The following MACROD1 variants were observed in gnomAD, a reference collection of about 807,000 sequenced individuals.
MACROD1 encodes ADP-ribose glycohydrolase MACROD1.
Under a neutral mutation model 41.4 loss-of-function variants are expected in MACROD1, and 31 were observed. The ratio of observed to expected loss-of-function variants is 0.75; its 90% CI spans 0.56 to 1.01. MACROD1 has a LOEUF of 1.01. MACROD1 is among the 50% of genes least tolerant of loss of function. The probability of loss-of-function intolerance (pLI) is 0.00; values close to 1 mark genes in which losing one functional copy is unlikely to be tolerated. For missense variants in MACROD1, 473 were observed against 460.0 expected, an observed-to-expected ratio of 1.03 and a Z score of -0.26; for synonymous variants, 252 against 203.4, an observed-to-expected ratio of 1.24 and a Z score of -2.03.
At chr11:64,136,224 G>A (rs1238071857) in intron 3 of MACROD1, among the ~76,000 whole-genome samples, 1 of 152,202 alleles carries the variant, frequency 6.6e-6, no homozygotes, top group Non-Finnish European at 1.5e-5. Context: ...ACAACACCTA[G>A]AGTGGTCACC....
At chr11:64,118,572 A>C in intron 3 of MACROD1, 7 of 356,026 alleles carry the variant, frequency 2.0e-5, no homozygotes, top group Non-Finnish European at 3.7e-5. Flanking sequence ...TAAAAATAAT[A>C]TTGCAGGCAG....
At position 64,051,915 on chromosome 11, in the gene MACROD1, G is replaced by A. The variant is rs573250371; in HGVS notation, c.518-36634C>T. Among the ~76,000 whole-genome samples the A allele has an allele frequency of 8.6e-5, 13 of 151,964 alleles. No individual in the cohort carries two copies. The South Asian group carries it at 2.7e-3, about 32-fold the overall frequency. On this transcript the variant is annotated intron_variant, in intron 3 of 10. Coordinates refer to ENST00000255681, the MANE Select transcript of MACROD1 (RefSeq NM_014067.4). The stretch of plus-strand genomic sequence containing the variant: ...TCCTCTCTCGGGGGCTGCAAGAGAG[G>A]TAGAGACTGGATACTCCAAGGCCAC...
At chr11:64,019,370 C>A (rs562967665) in intron 3 of MACROD1, among the ~76,000 whole-genome samples, 2 of 152,076 alleles carry the variant, frequency 1.3e-5, no homozygotes, top group Non-Finnish European at 2.9e-5. Flanking sequence ...GACTGGGGGC[C>A]TGGAAACCTC....
chr11:64,141,662 G>C (rs1032117352), intron 3 of MACROD1, among the ~76,000 whole-genome samples: 3 of 152,132 alleles, frequency 2.0e-5, no homozygotes. Flanking sequence ...CGGCCTCCTC[G>C]GCTCAGTGCT....
chr11:64,043,914 A>G (rs1943536466), intron 3 of MACROD1, among the ~76,000 whole-genome samples: 1 of 151,578 alleles, frequency 6.6e-6, no homozygotes, highest in African/African-American at 2.4e-5. Flanking sequence ...AACAGGTTCA[A>G]GCTATTCTCC....
chr11:64,156,580 C>A lies in MACROD1; in HGVS notation c.299-4187G>T, dbSNP rs74744404. ...ATCTGGCAGATGCCACCACCTTGTT[C>A]TAGAGAGGAGGCAGAGTGACCTGCC... is the stretch of plus-strand genomic sequence containing the variant. On this transcript the variant is annotated intron_variant, in intron 1 of 10. Transcript: ENST00000255681. 7.9e-5 allele frequency among the ~76,000 whole-genome samples: 12 copies of A among 152,348 alleles called. No individual in the cohort carries two copies. The East Asian group carries it at 2.3e-3, about 29-fold the overall frequency.
intron 2 of MACROD1, among the ~76,000 whole-genome samples, 180 bp downstream of exon 2, chr11:64,152,112 A>T (rs1297510347): frequency 6.6e-6 from 1 of 152,232 alleles, no homozygotes; most frequent in East Asian, 1.9e-4. Flanking sequence ...CTGCGCAAAA[A>T]GAGTGAAATT....
At chr11:64,117,386 C>T (rs570176314) in intron 3 of MACROD1, 18 of 1,611,870 alleles carry the variant, frequency 1.1e-5, no homozygotes, top group East Asian at 6.7e-5. Context: ...ACATTACCAG[C>T]GAGATGGACG....
chr11:64,132,253 T>TG (rs1565252455), intron 3 of MACROD1, among the ~76,000 whole-genome samples: 2 of 151,746 alleles, frequency 1.3e-5, no homozygotes, highest in African/African-American at 4.8e-5. Flanking sequence ...CTGCTGGCTT[T>TG]GGGGGGATTA....
intron 4 of MACROD1, chr11:64,001,305 C>T (rs1942821742): frequency 1.6e-6 from 1 of 633,390 alleles, no homozygotes; most frequent in Admixed American, 2.5e-5. Flanking sequence ...GGACAGCGAC[C>T]CTCCCACAGA....
chr11:64,166,113 C>T lies in MACROD1; in HGVS notation c.-119G>A, dbSNP rs1219571294. ...GACTGCCAGCCAGCGGCGACCTGCTCGGAGCCAGCGGGAGGCGCGGCCAGA... is the reference window on the plus strand; with the variant it reads ...GACTGCCAGCCAGCGGCGACCTGCTTGGAGCCAGCGGGAGGCGCGGCCAGA... On this transcript the variant is annotated 5_prime_UTR_variant, in exon 1 of 11. Transcript: ENST00000255681. 16 of 1,139,966 alleles carry T rather than the reference C, an allele frequency of 1.4e-5. No homozygotes were observed. In the East Asian group the frequency reaches 3.6e-4, roughly 25 times the overall value. 70.6% of individuals were successfully genotyped at this position (1,139,966 alleles called of 1,614,324 possible). A position where few individuals can be genotyped will look rare whatever the true frequency, so the allele number is the denominator to read the frequency against.
At chr11:64,093,563 C>T (rs1433949965) in intron 3 of MACROD1, among the ~76,000 whole-genome samples, 1 of 152,180 alleles carries the variant, frequency 6.6e-6, no homozygotes, top group Non-Finnish European at 1.5e-5. Context: ...TAACTCCATC[C>T]CTCCCAGTCC....
chr11:64,165,555 G>T, intron 1 of MACROD1, 142 bp downstream of exon 1: 2 of 651,416 alleles, frequency 3.1e-6, no homozygotes, highest in Non-Finnish European at 4.7e-6. Context: ...TGGGGAGGAG[G>T]GGTCCGTTCC....
intron 3 of MACROD1, among the ~76,000 whole-genome samples, chr11:64,029,194 G>A (rs959167460): frequency 6.6e-6 from 1 of 152,190 alleles, no homozygotes; most frequent in African/African-American, 2.4e-5. Context: ...TGGTTGAGCC[G>A]GGTGCTGGGA....
At chr11:64,047,511 G>T (rs1943607344) in intron 3 of MACROD1, among the ~76,000 whole-genome samples, 1 of 152,106 alleles carries the variant, frequency 6.6e-6, no homozygotes, top group Admixed American at 6.5e-5. Flanking sequence ...CTCCTCACCT[G>T]CCTGGCATTC....
At chr11:64,081,556 A>T (rs1944304100) in intron 3 of MACROD1, 1 of 152,388 alleles carries the variant, frequency 6.6e-6, no homozygotes, top group Admixed American at 6.5e-5. Flanking sequence ...CAAACCACAC[A>T]TATCATGGGT....
intron 3 of MACROD1, among the ~76,000 whole-genome samples, chr11:64,084,746 G>A (rs1239934971): frequency 4.6e-5 from 7 of 152,314 alleles, no homozygotes; most frequent in East Asian, 1.9e-4. Flanking sequence ...GCCACACCTC[G>A]TGCCTTGGTG....
Position 64,090,226 on chromosome 11 carries a change from G to T in MACROD1, c.517+61013C>A, listed in dbSNP as rs1944465428. Among the ~76,000 whole-genome samples, 1 of 152,202 alleles carries T rather than the reference G, an allele frequency of 6.6e-6. No individual in the cohort carries two copies. Among genetic ancestry groups the T allele is most frequent in the Non-Finnish European group, 1.5e-5 (1 of 68,038 alleles). On this transcript the variant is annotated intron_variant, in intron 3 of 10. Coordinates refer to ENST00000255681, the MANE Select transcript of MACROD1 (RefSeq NM_014067.4). The surrounding 1 kb of genome is among the most constrained non-coding windows in gnomAD (Gnocchi z 4.7). Reference sequence around the variant, plus strand: ...CACAGGGTGACAGGGTGTGGGAAAGGCCAACGGGCGTGTGGGTCTCCAGCC... The same window carrying T: ...CACAGGGTGACAGGGTGTGGGAAAGTCCAACGGGCGTGTGGGTCTCCAGCC...
At chr11:64,021,140 C>T (rs902870280) in intron 3 of MACROD1, among the ~76,000 whole-genome samples, 4 of 152,212 alleles carry the variant, frequency 2.6e-5, no homozygotes, top group Non-Finnish European at 5.9e-5. Context: ...TGAAGGAGCC[C>T]GTGGACATTA....
Sources: allele counts gnomAD v4.1 joint callset (sites outside exome capture counted in the v4.1 genomes callset), GRCh38; gene constraint gnomAD v4.1.1; non-coding constraint Gnocchi (gnomAD v3.1); transcripts MANE v1.5; gene names NCBI Gene and HGNC (gene_info 2026-07-23, HGNC 2026-07-21).